Variants in PIP5K1B observed in about 807,000 individuals in gnomAD.
PIP5K1B encodes the protein phosphatidylinositol 4-phosphate 5-kinase type-1 beta.
In PIP5K1B, 42 loss-of-function variants were observed where a neutral mutation model predicts 67.0. The observed-to-expected ratio is 0.63, with a 90% CI of 0.49 to 0.81. PIP5K1B has a LOEUF of 0.81. PIP5K1B is among the 30% of genes least tolerant of loss of function. PIP5K1B has a pLI of 0.00. For missense variants in PIP5K1B, 459 were observed against 646.3 expected (o/e 0.71, Z 3.14); for synonymous variants, 214 against 231.4 (o/e 0.92, Z 0.68).
chr9:68,893,038 A>C (rs1824879739), intron 7 of PIP5K1B, among the ~76,000 whole-genome samples: 1 of 152,060 alleles, frequency 6.6e-6, no homozygotes, highest in African/African-American at 2.4e-5. Flanking sequence ...ATGCCACTGC[A>C]CTCCAGTCTG....
chr9:68,947,609 G>C (rs1446679793), intron 14 of PIP5K1B, among the ~76,000 whole-genome samples: 1 of 152,164 alleles, frequency 6.6e-6, no homozygotes, highest in East Asian at 1.9e-4. Flanking sequence ...AGAGAGGAAA[G>C]GGTCAAAGCT....
rs1830919784 is a variant in PIP5K1B, at chr9:69,003,481, G to GAAAA, written c.1621-4966_1621-4965insAAAA. ...TAATTATAGTTAAAAAAAAAAAAGG[G>GAAAA]GGGGGGATATCACCCCAAGGGTTGA... is the stretch of plus-strand genomic sequence containing the variant. On this transcript the variant is annotated intron_variant, in intron 15 of 15. Coordinates refer to ENST00000265382, the MANE Select transcript of PIP5K1B (RefSeq NM_003558.4). Among the ~76,000 whole-genome samples the GAAAA allele has an allele frequency of 3.4e-3, 157 of 45,650 alleles. 1 individual carries two copies. The highest frequency in any genetic ancestry group is 0.011 in the African/African-American group (151 of 13,522). 29.9% of individuals were successfully genotyped at this position (45,650 alleles called of 152,430 possible).
chr9:68,970,183 G>C (rs1290772145), intron 14 of PIP5K1B, among the ~76,000 whole-genome samples: 1 of 152,140 alleles, frequency 6.6e-6, no homozygotes, highest in African/African-American at 2.4e-5. Flanking sequence ...TGTTATAAAG[G>C]ATGATGGTAA....
chr9:68,781,284 G>A (rs1831257793), intron 2 of PIP5K1B: 1 of 428,034 alleles, frequency 2.3e-6, no homozygotes, highest in Admixed American at 4.2e-5. Flanking sequence ...CTGCTAATAT[G>A]TCTAAATACA....
intron 4 of PIP5K1B, among the ~76,000 whole-genome samples, chr9:68,831,122 T>C (rs1036429958): frequency 1.3e-5 from 2 of 152,232 alleles, no homozygotes; most frequent in Non-Finnish European, 2.9e-5. Flanking sequence ...TCAATAGTCG[T>C]AGGGAACATA....
In PIP5K1B at chr9:68,745,847, T is replaced by A. The variant is rs192707360; in HGVS notation, c.-86+3190T>A. On this transcript the variant is annotated intron_variant, in intron 2 of 15. Coordinates refer to ENST00000265382, the MANE Select transcript of PIP5K1B (RefSeq NM_003558.4). ...TTCCCTTTATTTCCCTCACAGTACA[T>A]CTTATATTATAAATGATAACGTTTC... 7.5e-4 allele frequency among the ~76,000 whole-genome samples: 114 copies of A among 152,288 alleles called. 1 individual carries two copies. The highest frequency in any genetic ancestry group is 2.7e-3 in the African/African-American group (112 of 41,542).
At chr9:68,972,140 G>A (rs571706091) in intron 14 of PIP5K1B, among the ~76,000 whole-genome samples, 1 of 152,212 alleles carries the variant, frequency 6.6e-6, no homozygotes, top group South Asian at 2.1e-4. Context: ...TAAATCTTTA[G>A]TCCATCTTGA....
At chr9:68,883,380 G>A (rs142884858) in intron 6 of PIP5K1B, among the ~76,000 whole-genome samples, 13 of 152,282 alleles carry the variant, frequency 8.5e-5, no homozygotes, top group Non-Finnish European at 4.4e-5. Flanking sequence ...CTCTAATGCT[G>A]TTTAGCAAGA....
chr9:68,759,697 A>C (rs999612802), intron 2 of PIP5K1B, among the ~76,000 whole-genome samples: 1 of 152,106 alleles, frequency 6.6e-6, no homozygotes, highest in African/African-American at 2.4e-5. Flanking sequence ...TTAACACCTG[A>C]AATGAGATGT....
At chr9:68,867,830 G>A (rs1261927421) in intron 5 of PIP5K1B, among the ~76,000 whole-genome samples, 1 of 152,206 alleles carries the variant, frequency 6.6e-6, no homozygotes, top group Non-Finnish European at 1.5e-5. Flanking sequence ...TGCAGTCTCT[G>A]ATGGCTCAAC....
At chr9:68,925,297 T>C (rs1669811359) in intron 12 of PIP5K1B, among the ~76,000 whole-genome samples, 2 of 152,166 alleles carry the variant, frequency 1.3e-5, no homozygotes, top group African/African-American at 2.4e-5. Context: ...ACTAGGGTAA[T>C]AAAATGCACG....
At chr9:69,007,082 G>T (rs1006143888) in intron 15 of PIP5K1B, among the ~76,000 whole-genome samples, 8 of 152,180 alleles carry the variant, frequency 5.3e-5, no homozygotes, top group South Asian at 2.1e-4. Flanking sequence ...TGACCATGTT[G>T]TGCATTTAGC....
intron 12 of PIP5K1B, 32 bp from the exon 13 acceptor site, chr9:68,934,858 T>C (rs1184286503): frequency 1.1e-5 from 17 of 1,498,518 alleles, no homozygotes; most frequent in Non-Finnish European, 1.5e-5. Context: ...TTACAGTAAA[T>C]ATCTGTATTT....
chr9:68,781,249 G>A (rs1229108635), intron 2 of PIP5K1B: 1 of 571,300 alleles, frequency 1.8e-6, no homozygotes, highest in Non-Finnish European at 3.1e-6. Context: ...TCCCCAATAA[G>A]TGTGTTGAAG....
At chr9:68,804,361 C>G (rs776416180) in intron 2 of PIP5K1B, among the ~76,000 whole-genome samples, 1 of 151,996 alleles carries the variant, frequency 6.6e-6, no homozygotes, top group Non-Finnish European at 1.5e-5. Flanking sequence ...TGGGTATGGG[C>G]GTTCATAGTT....
intron 2 of PIP5K1B, among the ~76,000 whole-genome samples, chr9:68,752,894 G>A (rs1308201019): frequency 6.6e-6 from 1 of 152,150 alleles, no homozygotes; most frequent in Non-Finnish European, 1.5e-5. Context: ...GAGATTAGTT[G>A]TTAGATCTAA....
intron 2 of PIP5K1B, among the ~76,000 whole-genome samples, chr9:68,743,778 T>C (rs1829134737): frequency 6.6e-6 from 1 of 152,224 alleles, no homozygotes; most frequent in South Asian, 2.1e-4. Flanking sequence ...TTCATGACAC[T>C]AAGACAATGG....
At chr9:68,898,257 A>T (rs1825188795) in intron 8 of PIP5K1B, among the ~76,000 whole-genome samples, 1 of 152,160 alleles carries the variant, frequency 6.6e-6, no homozygotes, top group Non-Finnish European at 1.5e-5. Context: ...TTCCAAAAGC[A>T]GGCATCCAGA....
At chr9:68,862,884 A>T (rs1823169481) in intron 4 of PIP5K1B, among the ~76,000 whole-genome samples, 1 of 151,524 alleles carries the variant, frequency 6.6e-6, no homozygotes, top group South Asian at 2.1e-4. Flanking sequence ...TCAAGAGAAG[A>T]CATTTTTTTC....
Sources: allele counts gnomAD v4.1 joint callset (sites outside exome capture counted in the v4.1 genomes callset), GRCh38; gene constraint gnomAD v4.1.1; transcripts MANE v1.5; gene names NCBI Gene and HGNC (gene_info 2026-07-23, HGNC 2026-07-21).